Variants in POTEE observed in about 807,000 individuals in gnomAD.
POTEE encodes POTE ankyrin domain family member E.
POTEE carries 21 observed loss-of-function variants against 74.2 expected under a neutral mutation model. The observed-to-expected ratio is 0.28, with a 90% CI of 0.20 to 0.41. POTEE has a LOEUF of 0.41. Ranked by LOEUF, POTEE falls within the 10% of genes least tolerant of loss-of-function variation. The probability of loss-of-function intolerance (pLI) is 1.00; values close to 1 mark genes in which losing one functional copy is unlikely to be tolerated. For missense variants in POTEE, 525 were observed against 1,158.6 expected, an observed-to-expected ratio of 0.45 and a Z score of 7.94; for synonymous variants, 211 against 432.8, an observed-to-expected ratio of 0.49 and a Z score of 6.36.
intron 4 of POTEE, among the ~76,000 whole-genome samples, chr2:131,222,332 C>T (rs1417272598): frequency 6.6e-6 from 1 of 152,242 alleles, no homozygotes; most frequent in Non-Finnish European, 1.5e-5. Flanking sequence ...ACTGCATGTT[C>T]TTACTTATAG....
chr2:131,231,990 C>T (rs1339716162), intron 9 of POTEE, among the ~76,000 whole-genome samples: 1 of 152,100 alleles, frequency 6.6e-6, no homozygotes, highest in East Asian at 1.9e-4. Flanking sequence ...GAGCTGTCTC[C>T]ATTTCATTTC....
intron 6 of POTEE, among the ~76,000 whole-genome samples, chr2:131,225,728 G>A (rs1700765034): frequency 7.2e-6 from 1 of 138,448 alleles, no homozygotes; most frequent in Middle Eastern, 3.7e-3. Flanking sequence ...TTTTTGCCAT[G>A]TTTCTCAGGC....
At position 131,264,279 on chromosome 2, in the gene POTEE, C is replaced by T. The variant is rs1421706242; in HGVS notation, c.2824C>T (p.Leu942=). Reference sequence around the variant, plus strand: ...CTCCTCCCTAGAGAAGAGCTACGAGCTGCCCGATGGCCAGGTCATCACCAT... The same window carrying T: ...CTCCTCCCTAGAGAAGAGCTACGAGTTGCCCGATGGCCAGGTCATCACCAT... The part of the protein sequence containing the change: ...SSSSLEKSYE[L]PDGQVITIGN... The change falls in exon 18 of 18, where the codon CTG becomes TTG. Residue 942 remains leucine (L), a synonymous_variant. Coordinates refer to ENST00000683005, the MANE Select transcript of POTEE (RefSeq NM_001083538.3). The T allele has an allele frequency of 6.2e-7, 1 of 1,614,082 alleles. No individual in the cohort carries two copies. The highest frequency in any genetic ancestry group is 1.3e-5 in the African/African-American group (1 of 74,964).
intron 8 of POTEE, chr2:131,229,621 G>A (rs1322979759): frequency 1.3e-5 from 2 of 152,130 alleles, no homozygotes; most frequent in Admixed American, 6.5e-5. Context: ...TTGCTTCGGC[G>A]GCACATATCC....
intron 17 of POTEE, among the ~76,000 whole-genome samples, chr2:131,262,268 A>G (rs1330699166): frequency 8.8e-5 from 11 of 124,826 alleles, no homozygotes; most frequent in African/African-American, 2.5e-4. Context: ...TGTGGATACC[A>G]TTATCCTTAC....
intron 2 of POTEE, among the ~76,000 whole-genome samples, chr2:131,212,200 T>C (rs1395400196): frequency 2.0e-5 from 3 of 152,148 alleles, no homozygotes; most frequent in Non-Finnish European, 4.4e-5. Context: ...GTATAATTAG[T>C]TACTTGAATA....
chr2:131,264,053 T>A lies in POTEE; in HGVS notation c.2598T>A (p.Tyr866Ter). 6.2e-7 allele frequency: 1 copy of A among 1,614,234 alleles called. No homozygotes were observed. Among genetic ancestry groups the A allele is most frequent in the Admixed American group, 1.7e-5 (1 of 60,024 alleles). Residue 866 changes from tyrosine to a stop codon, truncating the protein, a stop_gained, in exon 18 of 18, where the codon TAT becomes TAA. Transcript: ENST00000683005. LOFTEE classifies it high-confidence loss of function. ...GGGTCACCCACACTGTGCCCATCTA[T>A]GAGGGGAATGCCCTCCCCCATGCCA... is the stretch of plus-strand genomic sequence containing the variant. ...GDGVTHTVPI[Y>*]EGNALPHATL...
At chr2:131,210,325 A>G (rs1484604019) in intron 1 of POTEE, among the ~76,000 whole-genome samples, 972 of 9,060 alleles carry the variant, frequency 0.11, 7 homozygotes, top group East Asian at 0.29. Context: ...TGCCTGTGGA[A>G]GGGGTGGTTG....
chr2:131,260,753 T>C (rs1452507361), intron 16 of POTEE, among the ~76,000 whole-genome samples: 1 of 106,236 alleles, frequency 9.4e-6, no homozygotes, highest in Non-Finnish European at 1.9e-5. Flanking sequence ...TAGGATAATA[T>C]CATTGGTGAA....
intron 8 of POTEE, among the ~76,000 whole-genome samples, chr2:131,229,347 C>T (rs1357798322): frequency 4.3e-5 from 6 of 140,792 alleles, no homozygotes; most frequent in Non-Finnish European, 7.4e-5. Context: ...GTATAGAACC[C>T]AGTAGAAAGT....
At chr2:131,222,411 G>A (rs1700647892) in intron 4 of POTEE, among the ~76,000 whole-genome samples, 1 of 151,684 alleles carries the variant, frequency 6.6e-6, no homozygotes, top group Non-Finnish European at 1.5e-5. Context: ...CCTATTACAG[G>A]GTGAAGGGTG....
Position 131,263,492 on chromosome 2 carries a change from T to C in POTEE, c.2037T>C (p.Asp679=). The C allele has an allele frequency of 6.2e-7, 1 of 1,611,800 alleles. No individual in the cohort carries two copies. The highest frequency in any genetic ancestry group is 1.1e-5 in the South Asian group (1 of 90,964). ...TAAGAGAAAAGAAATATTTGGAGGA[T>C]ATTGAAAGTGTGAAAAAAAAGAATG... ...SQLREKKYLE[D]IESVKKKNDN... is the part of the protein sequence containing the mutation. The change falls in exon 18 of 18, where the codon GAT becomes GAC. Residue 679 remains aspartate (D), a synonymous_variant. Coordinates refer to ENST00000683005, the MANE Select transcript of POTEE (RefSeq NM_001083538.3).
intron 2 of POTEE, among the ~76,000 whole-genome samples, chr2:131,211,456 G>T (rs1490282352): frequency 2.8e-5 from 4 of 143,396 alleles, no homozygotes; most frequent in Admixed American, 7.2e-5. Flanking sequence ...CTGGAGGGTG[G>T]CCTCCTTCTG....
intron 6 of POTEE, among the ~76,000 whole-genome samples, chr2:131,225,067 GA>G (rs1165466516): frequency 6.6e-6 from 1 of 152,134 alleles, no homozygotes; most frequent in Non-Finnish European, 1.5e-5. Flanking sequence ...CTTCAAATGA[GA>G]AAGGGAATTG....
At chr2:131,211,854 T>C (rs60559338) in intron 2 of POTEE, among the ~76,000 whole-genome samples, 121,922 of 146,886 alleles carry the variant, frequency 0.83, 50,831 homozygotes, top group Admixed American at 0.89. Context: ...CCACTCCCGG[T>C]CATTTTTTCC....
intron 8 of POTEE, 94 bp from the exon 9 acceptor site, chr2:131,230,742 T>C (rs1305185490): frequency 3.5e-6 from 5 of 1,416,622 alleles, no homozygotes; most frequent in Admixed American, 2.4e-5. Flanking sequence ...TATTCTGATA[T>C]TGTTTGAAAT....
At chr2:131,222,603 A>G (rs1212267700) in intron 4 of POTEE, among the ~76,000 whole-genome samples, 1 of 152,124 alleles carries the variant, frequency 6.6e-6, no homozygotes, top group Non-Finnish European at 1.5e-5. Flanking sequence ...CGTTTCATAA[A>G]TCCGTTTTAA....
intron 2 of POTEE, among the ~76,000 whole-genome samples, chr2:131,212,994 C>G (rs1454452747): frequency 6.7e-6 from 1 of 150,188 alleles, no homozygotes; most frequent in Non-Finnish European, 1.5e-5. Flanking sequence ...AAGTCTCGCT[C>G]TTGTCCCCCA....
At chr2:131,213,164 T>C (rs13395713) in intron 2 of POTEE, among the ~76,000 whole-genome samples, 6,053 of 152,196 alleles carry the variant, frequency 0.04, 419 homozygotes, top group African/African-American at 0.14. Flanking sequence ...TTTCACCATG[T>C]TGGCCAGGCT....
Sources: gnomAD v4.1 joint callset for allele counts (sites outside exome capture counted in the v4.1 genomes callset) on GRCh38, gnomAD v4.1.1 for gene constraint, MANE v1.5 for transcripts, NCBI Gene and HGNC (gene_info 2026-07-23, HGNC 2026-07-21) for gene names.